Variants in CLDN14 observed in about 807,000 individuals in gnomAD.
CLDN14 encodes claudin 14.
In CLDN14, 2 loss-of-function variants were observed where a neutral mutation model predicts 2.1. The observed-to-expected ratio is 0.96, with a 90% CI of 0.39 to 3.01. The LOEUF is 3.01. Ranked by LOEUF, CLDN14 falls within the 30% of genes most tolerant of loss-of-function variation. The pLI, the probability that CLDN14 is intolerant of heterozygous loss-of-function variation, is 0.09. For missense variants in CLDN14, 298 were observed against 328.0 expected, an observed-to-expected ratio of 0.91 and a Z score of 0.71; for synonymous variants, 136 against 154.4, an observed-to-expected ratio of 0.88 and a Z score of 0.88.
In CLDN14 at chr21:36,499,139, G is replaced by A. The variant is rs182166393; in HGVS notation, c.-82+11224C>T. On this transcript the variant is annotated intron_variant, in intron 2 of 2. Coordinates refer to the CLDN14 transcript ENST00000342108. This position sits in a 1 kb window ranked among gnomAD's most constrained non-coding sequence, Gnocchi z 4.7. ...TGATATCATTGACCACAGGACTCAA[G>A]AAATAAGCCCAGAGCACACATCGGT... Among the ~76,000 whole-genome samples, 2 of 152,228 alleles carry A rather than the reference G, an allele frequency of 1.3e-5. No homozygotes were observed. Among genetic ancestry groups the A allele is most frequent in the African/African-American group, 4.8e-5 (2 of 41,464 alleles).
chr21:36,576,408 C>G (rs1299659150), intron 1 of CLDN14: 1 of 152,256 alleles, frequency 6.6e-6, no homozygotes, highest in Non-Finnish European at 1.5e-5. Flanking sequence ...GAGTGCCACT[C>G]ACCGTGCTGC....
chr21:36,538,694 A>G (rs1207101132), intron 1 of CLDN14, among the ~76,000 whole-genome samples: 1 of 152,200 alleles, frequency 6.6e-6, no homozygotes, highest in Non-Finnish European at 1.5e-5. Flanking sequence ...GCAGTCGGTA[A>G]GAGAAGCCCA....
intron 1 of CLDN14, among the ~76,000 whole-genome samples, chr21:36,519,306 C>A (rs2087251184): frequency 6.6e-6 from 1 of 152,218 alleles, no homozygotes; most frequent in Non-Finnish European, 1.5e-5. Context: ...TCATCTCATT[C>A]ATTACTGCAA....
chr21:36,560,222 GGTTT>G (rs1012546581), intron 1 of CLDN14, among the ~76,000 whole-genome samples: 36 of 75,712 alleles, frequency 4.8e-4, no homozygotes, highest in African/African-American at 1.1e-3. Flanking sequence ...TTTGTTGAGA[GGTTT>G]TTTTTTTTTT....
At position 36,537,651 on chromosome 21, in the gene CLDN14, C is replaced by CTTTTTTTT. The variant is rs371651908; in HGVS notation, c.-219-27152_-219-27151insAAAAAAAA. Among the ~76,000 whole-genome samples, 33 of 143,646 alleles carry CTTTTTTTT rather than the reference C, an allele frequency of 2.3e-4. 1 individual carries two copies. The highest frequency in any genetic ancestry group is 2.7e-4 in the Non-Finnish European group (18 of 65,688). 94.2% of individuals were successfully genotyped at this position (143,646 alleles called of 152,430 possible). Reference sequence around the variant, plus strand: ...CTTCTTTTTTCTTTGTTTTTCTTTTCTTTTCTTTTTTTTTTTGAGACGGAG... The same window carrying CTTTTTTTT: ...CTTCTTTTTTCTTTGTTTTTCTTTTCTTTTTTTTTTTTCTTTTTTTTTTTGAGACGGAG... On this transcript the variant is annotated intron_variant, in intron 1 of 2. Transcript: ENST00000342108.
At chr21:36,527,196 G>A (rs1245159164) in intron 1 of CLDN14, among the ~76,000 whole-genome samples, 1 of 152,210 alleles carries the variant, frequency 6.6e-6, no homozygotes, top group Non-Finnish European at 1.5e-5. Flanking sequence ...CAGCATGTCA[G>A]ATTTAAAATA....
At chr21:36,509,582 A>C (rs1601617063) in intron 2 of CLDN14, among the ~76,000 whole-genome samples, 2 of 152,170 alleles carry the variant, frequency 1.3e-5, no homozygotes, top group South Asian at 4.2e-4. Flanking sequence ...TCTTAGCAGC[A>C]TTGCTTTTAT....
intron 1 of CLDN14, among the ~76,000 whole-genome samples, chr21:36,547,450 G>C (rs1246418157): frequency 1.3e-5 from 2 of 152,146 alleles, no homozygotes; most frequent in East Asian, 3.8e-4. Flanking sequence ...GTTGTGTAAA[G>C]AGACCAAAAA....
intron 1 of CLDN14, among the ~76,000 whole-genome samples, chr21:36,530,825 C>A (rs995704564): frequency 1.3e-5 from 2 of 151,948 alleles, no homozygotes; most frequent in East Asian, 1.9e-4. Flanking sequence ...AACAGCCCCC[C>A]AAAAAGAAAG....
intron 1 of CLDN14, among the ~76,000 whole-genome samples, chr21:36,540,273 C>G (rs2087477524): frequency 6.6e-6 from 1 of 152,124 alleles, no homozygotes; most frequent in African/African-American, 2.4e-5. Context: ...CTCTCATACA[C>G]TGCAAATCAT....
chr21:36,546,000 G>T (rs142289792), intron 1 of CLDN14, among the ~76,000 whole-genome samples: 1 of 152,156 alleles, frequency 6.6e-6, no homozygotes, highest in Admixed American at 6.5e-5. Flanking sequence ...GGGTCCTCCC[G>T]CCCAACAGCT....
In CLDN14 at chr21:36,492,468, A is replaced by AAAAT. The variant is rs71198818; in HGVS notation, c.-82+17894_-82+17895insATTT. ...AAAAAAAAAAAAAAAAAAAAAAAAA[A>AAAAT]TGCAAAAATTAGCTGCAGGGCATGG... On this transcript the variant is annotated intron_variant, in intron 2 of 2. Transcript: ENST00000342108. Among the ~76,000 whole-genome samples, 27 of 138,852 alleles carry AAAAT rather than the reference A, an allele frequency of 1.9e-4. 1 individual carries two copies. The highest frequency in any genetic ancestry group is 2.8e-4 in the Non-Finnish European group (18 of 64,290). The allele number at this position is 138,852 out of a possible 152,430, so 91.1% of individuals were successfully genotyped here.
intron 2 of CLDN14, among the ~76,000 whole-genome samples, chr21:36,491,514 T>C (rs1226055495): frequency 6.6e-6 from 1 of 152,224 alleles, no homozygotes; most frequent in East Asian, 1.9e-4. Flanking sequence ...CTTTTCATGT[T>C]GGCTTCATGG....
intron 1 of CLDN14, among the ~76,000 whole-genome samples, chr21:36,512,460 T>G (rs1202734446): frequency 6.6e-6 from 1 of 152,166 alleles, no homozygotes; most frequent in Non-Finnish European, 1.5e-5. Context: ...TATGGCATGC[T>G]CTCAGGATGT....
At chr21:36,531,907 T>C (rs895181767) in intron 1 of CLDN14, 5 of 152,098 alleles carry the variant, frequency 3.3e-5, no homozygotes, top group Non-Finnish European at 7.4e-5. Flanking sequence ...TAGATTCGCC[T>C]AGTTTAATTC....
At chr21:36,513,034 C>G (rs913870283) in intron 1 of CLDN14, among the ~76,000 whole-genome samples, 3 of 152,194 alleles carry the variant, frequency 2.0e-5, no homozygotes, top group African/African-American at 7.2e-5. Context: ...TGCTGCCGCT[C>G]CTCTTCCTCC....
chr21:36,550,585 G>T (rs416875), intron 1 of CLDN14, among the ~76,000 whole-genome samples: 2 of 151,606 alleles, frequency 1.3e-5, no homozygotes, highest in Admixed American at 6.6e-5. Flanking sequence ...GCATCAGCCC[G>T]GTTTCTAACC....
upstream of CLDN14, among the ~76,000 whole-genome samples, chr21:36,482,023 G>A (rs1185480284): frequency 6.6e-6 from 1 of 152,164 alleles, no homozygotes; most frequent in Non-Finnish European, 1.5e-5. Flanking sequence ...CTCTCCCTGA[G>A]TGGGCAGGGA....
chr21:36,514,157 A>G (rs1164832755), intron 1 of CLDN14, among the ~76,000 whole-genome samples: 3 of 152,208 alleles, frequency 2.0e-5, no homozygotes, highest in Non-Finnish European at 4.4e-5. Flanking sequence ...CACCCAGTCT[A>G]CAAGTTCTTA....
Sources: allele counts gnomAD v4.1 joint callset (sites outside exome capture counted in the v4.1 genomes callset), GRCh38; gene constraint gnomAD v4.1.1; non-coding constraint Gnocchi (gnomAD v3.1); transcripts MANE v1.5; gene names NCBI Gene and HGNC (gene_info 2026-07-23, HGNC 2026-07-21).